GGA2: variants seen among roughly 807,000 people sequenced by gnomAD.
GGA2 encodes ADP-ribosylation factor-binding protein GGA2.
GGA2 carries 48 observed loss-of-function variants against 79.5 expected under a neutral mutation model. The observed-to-expected ratio is 0.60, with a 90% confidence interval of 0.48 to 0.77. The LOEUF is 0.77. GGA2 is among the 30% of genes least tolerant of loss of function. The pLI, the probability that GGA2 is intolerant of heterozygous loss-of-function variation, is 0.00. For missense variants in GGA2, 770 were observed against 774.0 expected (o/e 0.99, Z 0.06); for synonymous variants, 317 against 302.0 (o/e 1.05, Z -0.51).
upstream of GGA2, chr16:23,522,473 T>G (rs1965154905): frequency 1.3e-5 from 2 of 152,340 alleles, no homozygotes; most frequent in Non-Finnish European, 2.9e-5. Context: ...AACCTGTTTT[T>G]TTTTTGGCTT....
intron 8 of GGA2, among the ~76,000 whole-genome samples, chr16:23,484,797 G>A (rs139305678): frequency 3.9e-5 from 6 of 152,348 alleles, no homozygotes; most frequent in Admixed American, 6.5e-5. Flanking sequence ...TTGGAAAACA[G>A]CTTGGCAGTT....
At chr16:23,499,227 C>T (rs1964892653) in intron 1 of GGA2, among the ~76,000 whole-genome samples, 1 of 151,818 alleles carries the variant, frequency 6.6e-6, no homozygotes, top group South Asian at 2.1e-4. Context: ...TCGCTGCAAC[C>T]TCCGCCTCCC....
At chr16:23,504,049 C>A (rs1016026598) in intron 1 of GGA2, among the ~76,000 whole-genome samples, 4 of 151,254 alleles carry the variant, frequency 2.6e-5, no homozygotes, top group Non-Finnish European at 5.9e-5. Flanking sequence ...CCATTGCACT[C>A]CAGCCTGGGT....
chr16:23,489,034 G>A (rs1291955564), intron 5 of GGA2, among the ~76,000 whole-genome samples: 1 of 152,128 alleles, frequency 6.6e-6, no homozygotes, highest in East Asian at 1.9e-4. Flanking sequence ...AAAAGTTTCT[G>A]GAGGGTCCCT....
At chr16:23,516,501 C>G (rs368204369) in intron 2 of GGA2, among the ~76,000 whole-genome samples, 1 of 152,070 alleles carries the variant, frequency 6.6e-6, no homozygotes, top group African/African-American at 2.4e-5. Flanking sequence ...CCTACTGGGG[C>G]TCCTTCCTTC....
intron 1 of GGA2, among the ~76,000 whole-genome samples, chr16:23,499,030 G>C (rs765371148): frequency 6.6e-5 from 10 of 152,068 alleles, no homozygotes; most frequent in Non-Finnish European, 1.3e-4. Context: ...GGCAGGGAGA[G>C]AACAGGAGAG....
upstream of GGA2, among the ~76,000 whole-genome samples, chr16:23,513,213 A>AC (rs1285542022): frequency 2.0e-5 from 3 of 152,128 alleles, no homozygotes; most frequent in African/African-American, 7.2e-5. Context: ...TAACATTTTT[A>AC]CATTGTTGGA....
chr16:23,482,993 C>G lies in GGA2; in HGVS notation c.810G>C (p.Glu270Asp). The G allele has an allele frequency of 1.2e-6, 2 of 1,610,356 alleles. No homozygotes were observed. The highest frequency in any genetic ancestry group is 8.5e-7 in the Non-Finnish European group (1 of 1,176,622). Residue 270 changes from glutamate to aspartate, a missense_variant, in exon 9 of 17, where the codon GAG (glutamate) becomes GAC (aspartate). Physicochemically the swap from Glu to Asp is conservative, Grantham distance 45 (BLOSUM62 2). Coordinates refer to ENST00000309859, the MANE Select transcript of GGA2 (RefSeq NM_015044.4). ...PDQEALQVVY[E>D]RCEKLRPTLF... ...GCGTGGGCCGCAGCTTTTCACACCT[C>G]TCATACACGACCTGAAAGAGCAGAG... is the stretch of plus-strand genomic sequence containing the variant.
rs1263125802 is a variant in GGA2, at chr16:23,467,402, AC to A, written c.*187del. On this transcript the variant is annotated 3_prime_UTR_variant, in exon 17 of 17. Coordinates refer to ENST00000309859, the MANE Select transcript of GGA2 (RefSeq NM_015044.4). ...CCTCTCCCCGAACACACACACACAC[AC>A]ACACACACACACACACACACACACA... 63 of 553,334 alleles carry A rather than the reference AC, an allele frequency of 1.1e-4. No homozygotes were observed. Among genetic ancestry groups the A allele is most frequent in the Non-Finnish European group, 1.7e-4 (52 of 306,300 alleles). 34.3% of individuals were successfully genotyped at this position (553,334 alleles called of 1,614,324 possible). A position where few individuals can be genotyped will look rare whatever the true frequency, so the allele number is the denominator to read the frequency against.
At chr16:23,510,282 G>A (rs1209313749) in intron 1 of GGA2, 39 bp downstream of exon 1, 6 of 1,327,190 alleles carry the variant, frequency 4.5e-6, no homozygotes, top group Non-Finnish European at 5.9e-6. Context: ...CCTCACGTGC[G>A]GCGCAGCGGC....
At chr16:23,523,307 C>T (rs921535842), upstream of GGA2, 2 of 152,148 alleles carry the variant, frequency 1.3e-5, no homozygotes, top group Non-Finnish European at 2.9e-5. Context: ...TTTCAGAAAC[C>T]AGCAGAGATG....
chr16:23,504,625 T>C (rs1319391306), intron 1 of GGA2, among the ~76,000 whole-genome samples: 1 of 152,210 alleles, frequency 6.6e-6, no homozygotes, highest in African/African-American at 2.4e-5. Flanking sequence ...CAGCTGGGTC[T>C]GACCAGGCCA....
In GGA2 at chr16:23,486,166, GA is replaced by G; in HGVS notation, c.661-15del. 1 of 1,613,376 alleles carries G rather than the reference GA, an allele frequency of 6.2e-7. No individual in the cohort carries two copies. Among genetic ancestry groups the G allele is most frequent in the Middle Eastern group, 1.6e-4 (1 of 6,062 alleles). ...TTTTTCTTGTTCCTTTTGGGAAAAA[GA>G]GGAGGATGGGAGTGAGGGAGCAGAA... On this transcript the variant is annotated splice_polypyrimidine_tract_variant and intron_variant, in intron 7 of 16. Coordinates refer to ENST00000309859, the MANE Select transcript of GGA2 (RefSeq NM_015044.4).
rs1269230682 is a variant in GGA2, at chr16:23,470,141, T to G, written c.1475A>C (p.Tyr492Ser). The change falls in exon 15 of 17, where the codon TAT (tyrosine) becomes TCT (serine). Residue 492 changes from tyrosine (Y) to serine (S), a missense_variant. Physicochemically the swap from Tyr to Ser is moderately radical, Grantham distance 144. Transcript: ENST00000309859. ...CAGAATTCTGAATCCATTCCGGTCA[T>G]ACACAATGAGAGGCGGCAGGCTGCC... is the stretch of plus-strand genomic sequence containing the variant. Reference protein sequence around the residue: ...KPSSLPPLIVYDRNGFRILLH... With the variant: ...KPSSLPPLIVSDRNGFRILLH... 1.2e-6 allele frequency: 2 copies of G among 1,605,454 alleles called. No homozygotes were observed. Among genetic ancestry groups the G allele is most frequent in the Admixed American group, 3.4e-5 (2 of 58,422 alleles).
intron 13 of GGA2, among the ~76,000 whole-genome samples, chr16:23,475,441 C>T (rs533026301): frequency 2.9e-4 from 44 of 151,878 alleles, no homozygotes; most frequent in African/African-American, 5.1e-4. Context: ...CCGTCCGCCT[C>T]GGCCTCCCAA....
chr16:23,505,160 C>A (rs1027579766), intron 1 of GGA2, among the ~76,000 whole-genome samples: 23 of 152,180 alleles, frequency 1.5e-4, no homozygotes, highest in African/African-American at 5.6e-4. Context: ...GGCAATCATA[C>A]AATTCAGCAC....
chr16:23,523,835 CT>C (rs11300207), upstream of GGA2: 130,929 of 152,942 alleles, frequency 0.86, 56,234 homozygotes, highest in Middle Eastern at 0.91. Context: ...CATAATGAAA[CT>C]TAGAGATGTG....
At chr16:23,482,440 G>A (rs779169108) in intron 9 of GGA2, among the ~76,000 whole-genome samples, 2 of 152,062 alleles carry the variant, frequency 1.3e-5, no homozygotes, top group Non-Finnish European at 2.9e-5. Flanking sequence ...CTCATGTTTC[G>A]AGATTTTCCA....
In GGA2 at chr16:23,510,366, C is replaced by T; in HGVS notation, c.46G>A (p.Ala16Thr). The T allele has an allele frequency of 7.0e-7, 1 of 1,427,638 alleles. No homozygotes were observed. The highest frequency in any genetic ancestry group is 9.2e-7 in the Non-Finnish European group (1 of 1,090,060). 88.4% of individuals were successfully genotyped at this position (1,427,638 alleles called of 1,614,324 possible). ...GCTGCCGGGCCCGGGGGACCCTGGG[C>T]CGACTCGGTTCCCGCCACAGCCGCC... is the stretch of plus-strand genomic sequence containing the variant. Reference protein sequence around the residue: ...VAAAVAGTESAQGPPGPAASL... With the variant: ...VAAAVAGTESTQGPPGPAASL... Residue 16 changes from alanine to threonine, a missense_variant, in exon 1 of 17, where the codon GCC becomes ACC. Coordinates refer to ENST00000309859, the MANE Select transcript of GGA2 (RefSeq NM_015044.4).
Sources: gnomAD v4.1 joint callset for allele counts (sites outside exome capture counted in the v4.1 genomes callset) on GRCh38, gnomAD v4.1.1 for gene constraint, MANE v1.5 for transcripts, NCBI Gene and HGNC (gene_info 2026-07-23, HGNC 2026-07-21) for gene names.